The following MAPK4 variants were observed in gnomAD, a reference collection of about 807,000 sequenced individuals.
MAPK4 encodes mitogen-activated protein kinase 4.
MAPK4 carries 22 observed loss-of-function variants against 47.7 expected under a neutral mutation model. The observed-to-expected ratio is 0.46, with a 90% CI of 0.33 to 0.66. The LOEUF (loss-of-function observed/expected upper bound fraction) is 0.66. Among genes scored for constraint, MAPK4 ranks in the 30% least tolerant of loss-of-function variants. The probability of loss-of-function intolerance (pLI) is 0.02; values close to 1 mark genes in which losing one functional copy is unlikely to be tolerated. For synonymous variants in MAPK4, 390 were observed against 365.7 expected, an observed-to-expected ratio of 1.07 and a Z score of -0.76; for missense variants, 736 against 831.7, an observed-to-expected ratio of 0.88 and a Z score of 1.42.
intron 1 of MAPK4, among the ~76,000 whole-genome samples, chr18:50,661,010 C>T (rs1266380640): frequency 6.6e-6 from 1 of 152,150 alleles, no homozygotes; most frequent in Non-Finnish European, 1.5e-5. Flanking sequence ...CGCTGATTAT[C>T]TGCATTGCAG....
At chr18:50,569,683 G>T (rs1265284732) in intron 1 of MAPK4, among the ~76,000 whole-genome samples, 4 of 152,214 alleles carry the variant, frequency 2.6e-5, no homozygotes, top group South Asian at 4.1e-4. Flanking sequence ...GCTTCAGGCT[G>T]CTAAAAGCCT....
intron 1 of MAPK4, among the ~76,000 whole-genome samples, chr18:50,597,902 A>C (rs1289215479): frequency 6.6e-6 from 1 of 152,246 alleles, no homozygotes; most frequent in African/African-American, 2.4e-5. Flanking sequence ...AAAATATATA[A>C]AAGTGGCACA....
In MAPK4 at chr18:50,729,374, C is replaced by G; in HGVS notation, c.1284C>G (p.Cys428Trp). 1 of 1,572,804 alleles carries G rather than the reference C, an allele frequency of 6.4e-7. No individual in the cohort carries two copies. ...RAFEADYGRS[C>W]DYKVGSPSYL... ...TCGAGGCCGACTACGGGCGCTCCTG[C>G]GACTACAAGGTGGGGTCGCCGTCCT... Residue 428 changes from cysteine (C) to tryptophan (W), a missense_variant, in exon 6 of 6, where the codon TGC (cysteine) becomes TGG (tryptophan). Cys to Trp is a radical substitution (Grantham distance 215). This residue lies in a region of MAPK4 where 377 missense variants were observed against 378.6 expected (regional missense o/e 1.00). Transcript: ENST00000400384.
At position 50,639,781 on chromosome 18, in the gene MAPK4, CA is replaced by C. The variant is rs1391258487; in HGVS notation, c.-870-23307del. ...ATTTAATTAGTCCTTCCTTGTTGGA[CA>C]TTGGGATGATTAAGAGTTTGTTCCC... On this transcript the variant is annotated intron_variant, in intron 1 of 5. Transcript: ENST00000400384. 2.0e-5 allele frequency among the ~76,000 whole-genome samples: 3 copies of C among 152,282 alleles called. No homozygotes were observed. The South Asian group carries it at 6.2e-4, about 32-fold the overall frequency.
intron 2 of MAPK4, among the ~76,000 whole-genome samples, chr18:50,707,526 G>A (rs563261420): frequency 4.8e-4 from 70 of 146,688 alleles, no homozygotes; most frequent in Non-Finnish European, 7.1e-4. Context: ...AGTCATGATC[G>A]TGCCACTGCA....
intron 2 of MAPK4, among the ~76,000 whole-genome samples, chr18:50,686,341 G>C (rs931659733): frequency 7.2e-5 from 11 of 152,100 alleles, no homozygotes; most frequent in Admixed American, 3.9e-4. Flanking sequence ...AGATTGAATG[G>C]GAACTCTTTG....
At chr18:50,710,590 A>G (rs1273422122) in intron 2 of MAPK4, among the ~76,000 whole-genome samples, 2 of 151,966 alleles carry the variant, frequency 1.3e-5, no homozygotes, top group Non-Finnish European at 2.9e-5. Flanking sequence ...ATCCTGGCTA[A>G]CACAGTGAAA....
intron 4 of MAPK4, among the ~76,000 whole-genome samples, chr18:50,723,615 C>A (rs1296502151): frequency 2.0e-5 from 3 of 152,154 alleles, no homozygotes. Context: ...GTAATCCCAG[C>A]ACTTTGGGAG....
intron 2 of MAPK4, among the ~76,000 whole-genome samples, chr18:50,709,885 A>G (rs1326398757): frequency 1.3e-5 from 2 of 152,144 alleles, no homozygotes; most frequent in Admixed American, 6.5e-5. Context: ...CATTTTTTCC[A>G]TATTAACATT....
At chr18:50,625,882 GCACACACACACACACACACACA>G (rs58870306) in intron 1 of MAPK4, among the ~76,000 whole-genome samples, 8 of 145,340 alleles carry the variant, frequency 5.5e-5, no homozygotes, top group African/African-American at 7.8e-5. Flanking sequence ...GTGTGTGTAT[GCACACACACACACACACACACA>G]CACACACACA....
At chr18:50,665,189 G>A (rs8097986) in intron 2 of MAPK4, among the ~76,000 whole-genome samples, 68,244 of 152,020 alleles carry the variant, frequency 0.45, 15,610 homozygotes, top group Middle Eastern at 0.51. Context: ...GAGCTGACCC[G>A]GCCACTCTGC....
chr18:50,561,812 G>A (rs1342843346), intron 1 of MAPK4, among the ~76,000 whole-genome samples: 1 of 152,090 alleles, frequency 6.6e-6, no homozygotes, highest in African/African-American at 2.4e-5. Context: ...GGCTTGCTCT[G>A]GAACCTCTTT....
chr18:50,588,926 G>A (rs540637055), intron 1 of MAPK4, among the ~76,000 whole-genome samples: 8 of 152,348 alleles, frequency 5.3e-5, no homozygotes, highest in African/African-American at 1.9e-4. Context: ...TGGCAGCCAT[G>A]TTAGGAGTCT....
chr18:50,675,316 ATTTT>A (rs543288077), intron 2 of MAPK4, among the ~76,000 whole-genome samples: 2 of 128,422 alleles, frequency 1.6e-5, no homozygotes, highest in Admixed American at 7.8e-5. Flanking sequence ...TTGGCAAACC[ATTTT>A]TTTTTTTTTT....
intron 1 of MAPK4, among the ~76,000 whole-genome samples, chr18:50,621,871 G>A (rs1475256499): frequency 1.3e-5 from 2 of 152,258 alleles, no homozygotes; most frequent in Non-Finnish European, 2.9e-5. Flanking sequence ...CTTAGCATTA[G>A]CTAATGCCAT....
chr18:50,683,451 GGGGTGT>G (rs1461752235), intron 2 of MAPK4, among the ~76,000 whole-genome samples: 4 of 116,434 alleles, frequency 3.4e-5, no homozygotes, highest in Admixed American at 8.3e-5. Flanking sequence ...TATTGGTGAT[GGGGTGT>G]GTGTGTGTGT....
intron 1 of MAPK4, among the ~76,000 whole-genome samples, chr18:50,619,866 G>C (rs537457234): frequency 6.6e-6 from 1 of 152,212 alleles, no homozygotes; most frequent in Non-Finnish European, 1.5e-5. Flanking sequence ...TCTCTCTGCG[G>C]TGCTAGTGAG....
intron 1 of MAPK4, among the ~76,000 whole-genome samples, chr18:50,576,715 A>G (rs2042300496): frequency 6.6e-6 from 1 of 152,248 alleles, no homozygotes; most frequent in Admixed American, 6.5e-5. Flanking sequence ...ATTAAATCAC[A>G]TAATGAAATA....
At chr18:50,587,933 G>A (rs1272071255) in intron 1 of MAPK4, among the ~76,000 whole-genome samples, 1 of 152,002 alleles carries the variant, frequency 6.6e-6, no homozygotes, top group African/African-American at 2.4e-5. Context: ...GTTTCACCAT[G>A]TTGGCCAGGC....
Sources: allele counts gnomAD v4.1 joint callset (sites outside exome capture counted in the v4.1 genomes callset), GRCh38; gene constraint gnomAD v4.1.1; regional missense constraint gnomAD v4.1.1; transcripts MANE v1.5; gene names NCBI Gene and HGNC (gene_info 2026-07-23, HGNC 2026-07-21).